The following HERC3 variants were observed in gnomAD, a reference collection of about 807,000 sequenced individuals.
HERC3 encodes HECT and RLD domain containing E3 ubiquitin protein ligase 3, also known as probable E3 ubiquitin-protein ligase HERC3.
In HERC3, 58 loss-of-function variants were observed where a neutral mutation model predicts 129.9. The ratio of observed to expected loss-of-function variants is 0.45; its 90% CI spans 0.36 to 0.56. The LOEUF (loss-of-function observed/expected upper bound fraction) is 0.56. Ranked by LOEUF, HERC3 falls within the 20% of genes least tolerant of loss-of-function variation. HERC3 has a pLI of 0.00. For synonymous variants in HERC3, 430 were observed against 451.0 expected, an observed-to-expected ratio of 0.95 and a Z score of 0.59; for missense variants, 835 against 1,244.2, an observed-to-expected ratio of 0.67 and a Z score of 4.95.
the HERC3 span, among the ~76,000 whole-genome samples, chr4:88,552,961 G>A: frequency 6.6e-6 from 1 of 152,120 alleles, no homozygotes; most frequent in African/African-American, 2.4e-5. Flanking sequence ...CTCATCTTTA[G>A]GTGAGACAGT....
intron 22 of HERC3, among the ~76,000 whole-genome samples, 160 bp from the exon 23 acceptor site, chr4:88,687,057 G>C (rs1007137454): frequency 1.3e-5 from 2 of 152,136 alleles, no homozygotes; most frequent in African/African-American, 2.4e-5. Context: ...TTTTTAACCT[G>C]CTAATGTTTT....
intron 21 of HERC3, among the ~76,000 whole-genome samples, chr4:88,682,129 T>A (rs942435220): frequency 1.3e-5 from 2 of 152,210 alleles, no homozygotes; most frequent in African/African-American, 4.8e-5. Context: ...GTTTCCAGTT[T>A]TGACTATTAT....
chr4:88,628,679 A>G (rs1726403650), intron 3 of HERC3, among the ~76,000 whole-genome samples: 1 of 152,208 alleles, frequency 6.6e-6, no homozygotes, highest in Non-Finnish European at 1.5e-5. Context: ...AACTATCTTT[A>G]GCAAGCCCCT....
chr4:88,666,102 C>T (rs1560738402), intron 12 of HERC3, among the ~76,000 whole-genome samples: 2 of 152,202 alleles, frequency 1.3e-5, no homozygotes, highest in South Asian at 2.1e-4. Context: ...TGAGAAACCC[C>T]GTTCTAGATG....
At chr4:88,557,312 G>T in the HERC3 span, among the ~76,000 whole-genome samples, 1 of 152,190 alleles carries the variant, frequency 6.6e-6, no homozygotes, top group East Asian at 1.9e-4. Flanking sequence ...TTAGTAGTTA[G>T]CCTGCCTCAT....
chr4:88,700,342 C>T (rs143501568), intron 23 of HERC3, among the ~76,000 whole-genome samples: 2 of 152,044 alleles, frequency 1.3e-5, no homozygotes, highest in African/African-American at 2.4e-5. Context: ...AGTAAATGTA[C>T]GCTTAACTTC....
At chr4:88,610,401 C>T (rs974581691) in intron 3 of HERC3, among the ~76,000 whole-genome samples, 2 of 145,812 alleles carry the variant, frequency 1.4e-5, no homozygotes, top group Admixed American at 7.2e-5. Flanking sequence ...TGCAGTGAGC[C>T]GAGATCACGC....
the HERC3 span, among the ~76,000 whole-genome samples, chr4:88,555,237 C>T: frequency 2.3e-4 from 34 of 147,976 alleles, no homozygotes; most frequent in African/African-American, 7.8e-4. Flanking sequence ...GAGCTGAGAT[C>T]GTGCCACTGC....
intron 3 of HERC3, among the ~76,000 whole-genome samples, chr4:88,607,002 T>A (rs752199656): frequency 6.6e-6 from 1 of 152,252 alleles, no homozygotes; most frequent in Non-Finnish European, 1.5e-5. Context: ...TGCTAAGCAA[T>A]GCGATTGCTG....
At chr4:88,690,141 C>T (rs1733923790) in intron 23 of HERC3, 1 of 985,356 alleles carries the variant, frequency 1.0e-6, no homozygotes, top group Non-Finnish European at 1.2e-6. Context: ...ATGTTGCAAT[C>T]AAAACCCTTG....
chr4:88,561,159 G>A, the HERC3 span, among the ~76,000 whole-genome samples: 1 of 151,840 alleles, frequency 6.6e-6, no homozygotes. Context: ...CTCACTGAGA[G>A]ATTATGTGTG....
intron 3 of HERC3, among the ~76,000 whole-genome samples, chr4:88,617,465 T>C (rs186652176): frequency 4.1e-4 from 62 of 152,344 alleles, no homozygotes; most frequent in African/African-American, 1.3e-3. Flanking sequence ...TGGTTTGGAA[T>C]TGGCCTCATA....
At chr4:88,613,417 A>G (rs1724566394) in intron 3 of HERC3, among the ~76,000 whole-genome samples, 1 of 152,256 alleles carries the variant, frequency 6.6e-6, no homozygotes. Context: ...CCTAATGCCC[A>G]TCACCATATG....
At chr4:88,681,510 C>T (rs530680649) in intron 21 of HERC3, among the ~76,000 whole-genome samples, 185 bp downstream of exon 21, 46 of 152,286 alleles carry the variant, frequency 3.0e-4, no homozygotes, top group Middle Eastern at 3.4e-3. Flanking sequence ...CCTGTGTTAT[C>T]GGTACAGTAT....
At chr4:88,693,731 T>A in intron 23 of HERC3, 1 of 974,864 alleles carries the variant, frequency 1.0e-6, no homozygotes, top group Non-Finnish European at 1.2e-6. Flanking sequence ...AGAGCTGCCA[T>A]GCCATTTTTC....
At chr4:88,564,474 A>C in the HERC3 span, among the ~76,000 whole-genome samples, 1 of 152,052 alleles carries the variant, frequency 6.6e-6, no homozygotes, top group Admixed American at 6.5e-5. Flanking sequence ...TGGTCTATTC[A>C]CGTTTTGGAT....
At chr4:88,623,937 T>A (rs1246789882) in intron 3 of HERC3, among the ~76,000 whole-genome samples, 1 of 152,210 alleles carries the variant, frequency 6.6e-6, no homozygotes, top group Non-Finnish European at 1.5e-5. Context: ...CTCATTTCCC[T>A]TTATGTCAAT....
the HERC3 span, among the ~76,000 whole-genome samples, chr4:88,587,106 C>G: frequency 1.3e-5 from 2 of 152,108 alleles, no homozygotes; most frequent in African/African-American, 4.8e-5. Flanking sequence ...TATATGTAGG[C>G]TGAAAATAAA....
At chr4:88,676,455 T>A in intron 18 of HERC3, 32 bp downstream of exon 18, 1 of 1,441,502 alleles carries the variant, frequency 6.9e-7, no homozygotes, top group Non-Finnish European at 9.8e-7. Flanking sequence ...TTCTTCTTTT[T>A]ACTGTGTTTC....
Sources: gnomAD v4.1 joint callset for allele counts (sites outside exome capture counted in the v4.1 genomes callset) on GRCh38, gnomAD v4.1.1 for gene constraint, MANE v1.5 for transcripts, NCBI Gene and HGNC (gene_info 2026-07-23, HGNC 2026-07-21) for gene names.